Variants in CTNNA2 observed in about 807,000 individuals in gnomAD.
The protein encoded by CTNNA2 is catenin alpha 2, also known as catenin alpha-2.
CTNNA2 carries 42 observed loss-of-function variants against 101.0 expected under a neutral mutation model. The observed-to-expected ratio is 0.42, with a 90% CI of 0.32 to 0.54. The LOEUF (loss-of-function observed/expected upper bound fraction) is 0.54. CTNNA2 is among the 20% of genes least tolerant of loss of function. The pLI is 0.14. For synonymous variants in CTNNA2, 450 were observed against 456.4 expected (o/e 0.99, Z 0.18); for missense variants, 871 against 1,223.1 (o/e 0.71, Z 4.29).
intron 12 of CTNNA2, among the ~76,000 whole-genome samples, chr2:80,556,406 C>T (rs1295831188): frequency 1.3e-5 from 2 of 152,132 alleles, no homozygotes; most frequent in Non-Finnish European, 2.9e-5. Flanking sequence ...GTGGATATGA[C>T]GTGCTCAAAG....
At chr2:79,653,732 T>C (rs1681419212) in intron 2 of CTNNA2, among the ~76,000 whole-genome samples, 5 of 152,162 alleles carry the variant, frequency 3.3e-5, no homozygotes, top group Admixed American at 3.3e-4. Flanking sequence ...TTAATAGTTA[T>C]TCCCTTTATT....
intron 3 of CTNNA2, among the ~76,000 whole-genome samples, chr2:79,805,628 A>G (rs975936675): frequency 1.3e-5 from 2 of 152,072 alleles, no homozygotes; most frequent in African/African-American, 2.4e-5. Flanking sequence ...TGCTGAGTGC[A>G]GTGAAGAGTA....
At chr2:79,308,470 G>T (rs947994719) in intron 2 of CTNNA2, among the ~76,000 whole-genome samples, 6 of 152,138 alleles carry the variant, frequency 3.9e-5, no homozygotes, top group Non-Finnish European at 5.9e-5. Flanking sequence ...TCACTCTGTG[G>T]ATTGTTTCCT....
intron 1 of CTNNA2, among the ~76,000 whole-genome samples, chr2:79,641,276 G>C (rs1010051992): frequency 1.3e-5 from 2 of 152,152 alleles, no homozygotes; most frequent in East Asian, 3.8e-4. Flanking sequence ...TTGGTGGCTA[G>C]TTTGCTATAA....
At chr2:80,089,285 G>C (rs1202922860) in intron 7 of CTNNA2, among the ~76,000 whole-genome samples, 2 of 151,940 alleles carry the variant, frequency 1.3e-5, no homozygotes, top group African/African-American at 2.4e-5. Flanking sequence ...AGAGCTAGAC[G>C]CTAAAGACAA....
chr2:80,420,187 G>C lies in CTNNA2; in HGVS notation c.1290+586G>C, dbSNP rs147446897. Among the ~76,000 whole-genome samples the C allele has an allele frequency of 5.9e-3, 897 of 152,012 alleles. 4 individuals are homozygous for C. Among genetic ancestry groups the C allele is most frequent in the South Asian group, 0.02 (94 of 4,820 alleles). On this transcript the variant is annotated intron_variant, in intron 9 of 18. Coordinates refer to ENST00000402739, the MANE Select transcript of CTNNA2 (RefSeq NM_001282597.3). ...AATCTGTGGGAGTTGTTTTATAAAT[G>C]CAAAATTTTATGGGGTAATATTGAA...
At chr2:80,437,628 T>C (rs1323378384) in intron 9 of CTNNA2, among the ~76,000 whole-genome samples, 6 of 152,194 alleles carry the variant, frequency 3.9e-5, no homozygotes, top group African/African-American at 9.7e-5. Flanking sequence ...TGGCATTAGT[T>C]CTAAAGCTAT....
chr2:79,203,771 T>C (rs1674067058), intron 2 of CTNNA2, among the ~76,000 whole-genome samples: 1 of 152,246 alleles, frequency 6.6e-6, no homozygotes, highest in Non-Finnish European at 1.5e-5. Flanking sequence ...TTGCCTTCAT[T>C]AACTAGGAGG....
intron 4 of CTNNA2, among the ~76,000 whole-genome samples, chr2:79,395,098 C>G (rs760179687): frequency 1.3e-4 from 20 of 152,228 alleles, no homozygotes; most frequent in Non-Finnish European, 2.9e-4. Flanking sequence ...TACTTACAAC[C>G]ACCCTTCAAG....
At chr2:80,474,792 G>A (rs1470804009) in intron 9 of CTNNA2, among the ~76,000 whole-genome samples, 1 of 152,074 alleles carries the variant, frequency 6.6e-6, no homozygotes, top group Non-Finnish European at 1.5e-5. Flanking sequence ...TTTGCAAACA[G>A]AAATAAAACC....
At chr2:80,315,414 T>C (rs1678017731) in intron 7 of CTNNA2, among the ~76,000 whole-genome samples, 1 of 152,144 alleles carries the variant, frequency 6.6e-6, no homozygotes, top group Non-Finnish European at 1.5e-5. Flanking sequence ...CATGATCAAC[T>C]GGAAAATTAG....
At chr2:79,914,667 C>T (rs1260475337) in intron 7 of CTNNA2, among the ~76,000 whole-genome samples, 1 of 151,990 alleles carries the variant, frequency 6.6e-6, no homozygotes, top group African/African-American at 2.4e-5. Context: ...TGGCAGAGAT[C>T]CTGGTGGCAT....
chr2:80,296,636 G>A (rs1675769841), intron 7 of CTNNA2, among the ~76,000 whole-genome samples: 1 of 152,198 alleles, frequency 6.6e-6, no homozygotes, highest in African/African-American at 2.4e-5. Context: ...ACCATTCCTT[G>A]TAAAGCTGAA....
chr2:80,393,471 A>C (rs538849415), intron 8 of CTNNA2, among the ~76,000 whole-genome samples, 180 bp downstream of exon 8: 2 of 152,316 alleles, frequency 1.3e-5, no homozygotes, highest in East Asian at 3.9e-4. Context: ...GAGACGAGCC[A>C]GTTGCAAGCA....
intron 7 of CTNNA2, among the ~76,000 whole-genome samples, chr2:80,382,940 T>C (rs1210763821): frequency 6.6e-6 from 1 of 152,222 alleles, no homozygotes; most frequent in Non-Finnish European, 1.5e-5. Flanking sequence ...TGTGTATCTG[T>C]GTATAAAATC....
intron 2 of CTNNA2, among the ~76,000 whole-genome samples, chr2:79,661,008 A>G (rs1476207853): frequency 1.3e-5 from 2 of 152,212 alleles, no homozygotes; most frequent in Non-Finnish European, 2.9e-5. Flanking sequence ...TTTTGCTGAA[A>G]TTAAATCACT....
At chr2:80,517,545 A>C (rs112120521) in intron 9 of CTNNA2, among the ~76,000 whole-genome samples, 19 of 152,328 alleles carry the variant, frequency 1.2e-4, no homozygotes, top group African/African-American at 4.1e-4. Context: ...TTAAAGGATG[A>C]CAGGACCACT....
At chr2:79,693,995 A>T (rs558853405) in intron 2 of CTNNA2, among the ~76,000 whole-genome samples, 1 of 152,130 alleles carries the variant, frequency 6.6e-6, no homozygotes. Flanking sequence ...TGGTGTTTTT[A>T]CAAATATTGT....
At chr2:79,711,822 G>A (rs1299035685) in intron 2 of CTNNA2, among the ~76,000 whole-genome samples, 1 of 152,122 alleles carries the variant, frequency 6.6e-6, no homozygotes, top group African/African-American at 2.4e-5. Context: ...AAACGAATAG[G>A]TGTGACTGTG....
Sources: gnomAD v4.1 joint callset for allele counts (sites outside exome capture counted in the v4.1 genomes callset) on GRCh38, gnomAD v4.1.1 for gene constraint, MANE v1.5 for transcripts, NCBI Gene and HGNC (gene_info 2026-07-23, HGNC 2026-07-21) for gene names.